The following SPATA1 variants were observed in gnomAD, a reference collection of about 807,000 sequenced individuals.
SPATA1 encodes spermatogenesis-associated protein 1.
A neutral mutation model predicts 59.6 loss-of-function variants in SPATA1; 57 were observed. That is an observed-to-expected ratio of 0.96 (90% CI 0.77 to 1.19). The LOEUF is 1.19. SPATA1 is among the 50% of genes most tolerant of loss of function. The pLI is 0.00. For missense variants in SPATA1, 448 were observed against 480.7 expected (o/e 0.93, Z 0.64); for synonymous variants, 147 against 163.9 (o/e 0.90, Z 0.79).
At chr1:84,508,288 A>ATTG (rs1682369710) in intron 1 of SPATA1, among the ~76,000 whole-genome samples, 1 of 152,098 alleles carries the variant, frequency 6.6e-6, no homozygotes, top group Non-Finnish European at 1.5e-5. Flanking sequence ...GTCTCAAAAA[A>ATTG]AAAAAAACAA....
At chr1:84,531,382 T>G (rs1246255) in intron 6 of SPATA1, among the ~76,000 whole-genome samples, 1 of 151,528 alleles carries the variant, frequency 6.6e-6, no homozygotes, top group Non-Finnish European at 1.5e-5. Flanking sequence ...AGGCTGATCT[T>G]GAACTTCTGA....
chr1:84,555,169 A>T, downstream of SPATA1: 1 of 1,613,832 alleles, frequency 6.2e-7, no homozygotes, highest in Non-Finnish European at 8.5e-7. Context: ...GGGTTATCAT[A>T]CCATACTTGA....
intron 2 of SPATA1, among the ~76,000 whole-genome samples, chr1:84,517,528 AT>A (rs1200518908): frequency 1.3e-5 from 2 of 152,012 alleles, no homozygotes; most frequent in East Asian, 1.9e-4. Context: ...CTGAAACTGG[AT>A]TTTTTTCCCT....
chr1:84,558,350 C>T (rs1353176160), downstream of SPATA1, among the ~76,000 whole-genome samples: 4 of 150,208 alleles, frequency 2.7e-5, no homozygotes, highest in African/African-American at 4.9e-5. Context: ...AGTGCAGTGG[C>T]GGGATCTCGG....
chr1:84,531,409 C>T (rs952411357), intron 6 of SPATA1, among the ~76,000 whole-genome samples: 3 of 151,902 alleles, frequency 2.0e-5, no homozygotes, highest in Non-Finnish European at 4.4e-5. Flanking sequence ...GTGATCCACC[C>T]GCCTCGGCCT....
intron 1 of SPATA1, among the ~76,000 whole-genome samples, chr1:84,507,790 C>T (rs76069520): frequency 0.028 from 4,307 of 151,306 alleles, 96 homozygotes; most frequent in Non-Finnish European, 0.047. Context: ...ATATATGGTC[C>T]AATAATTACT....
chr1:84,507,736 C>T (rs1413322099), intron 1 of SPATA1, among the ~76,000 whole-genome samples: 1 of 151,932 alleles, frequency 6.6e-6, no homozygotes, highest in Non-Finnish European at 1.5e-5. Flanking sequence ...TATCACTGAA[C>T]TCTTAGAACC....
chr1:84,515,104 T>C (rs1682740453), intron 1 of SPATA1, among the ~76,000 whole-genome samples: 1 of 152,212 alleles, frequency 6.6e-6, no homozygotes, highest in African/African-American at 2.4e-5. Flanking sequence ...TATAGATTAT[T>C]AACTAATTCT....
Position 84,565,772 on chromosome 1 carries a change from AC to A in SPATA1, n.443-88del, listed in dbSNP as rs1258807805. ...TACATATAACTTAGAAATACTAAAA[AC>A]ATCTTAATATTTTAATTTATAGAAT... On this transcript the variant is annotated intron_variant and non_coding_transcript_variant, in intron 4 of 4. Coordinates refer to the SPATA1 transcript ENST00000460286. 1.8e-5 allele frequency: 16 copies of A among 889,272 alleles called. No homozygotes were observed. In the African/African-American group the frequency reaches 2.9e-4, roughly 16 times the overall value. 55.1% of individuals were successfully genotyped at this position (889,272 alleles called of 1,614,324 possible).
At chr1:84,545,264 TA>T (rs1385564937) in intron 9 of SPATA1, among the ~76,000 whole-genome samples, 5 of 149,110 alleles carry the variant, frequency 3.4e-5, no homozygotes, top group Non-Finnish European at 5.9e-5. Flanking sequence ...CATATATATA[TA>T]ATCCTAAAAT....
exon 3 of SPATA1, chr1:84,520,671 C>G: frequency 6.4e-7 from 1 of 1,565,152 alleles, no homozygotes; most frequent in Non-Finnish European, 8.7e-7. Flanking sequence ...TTAACAAATT[C>G]ATTTCAGCTG....
rs1570448226 is a variant in SPATA1 at position 84,545,687 on chromosome 1, GA to G, written c.877del (p.Arg293GlufsTer6). On this transcript the variant is annotated frameshift_variant, in exon 10 of 13. Transcript: ENST00000490879. LOFTEE classifies it high-confidence loss of function. ...AGTAAAGGAAGAAAGAAGGTATCTG[GA>G]AAGAAATAGAGAAGAACTAGTAAAA... 2.0e-6 allele frequency: 3 copies of G among 1,535,946 alleles called. No individual in the cohort carries two copies. The highest frequency in any genetic ancestry group is 2.6e-6 in the Non-Finnish European group (3 of 1,149,028).
Position 84,529,711 on chromosome 1 carries a change from G to T in SPATA1, c.545-3149G>T, listed in dbSNP as rs535573149. 4.0e-5 allele frequency among the ~76,000 whole-genome samples: 6 copies of T among 150,584 alleles called. No individual in the cohort carries two copies. The South Asian group carries it at 1.3e-3, about 32-fold the overall frequency. On this transcript the variant is annotated intron_variant, in intron 6 of 12. Transcript: ENST00000490879. ...ATTCTCCTCAGCCTTCCGATAGCTG[G>T]AATTACAGGTGCCTGCCACCACACC...
At chr1:84,565,698 T>C (rs1684686037) in intron 4 of SPATA1, 163 bp from the exon 14 acceptor site, 1 of 363,586 alleles carries the variant, frequency 2.8e-6, no homozygotes, top group Admixed American at 5.0e-5. Flanking sequence ...AAGCTTTCAA[T>C]TAAGTGATTT....
At chr1:84,517,379 A>C (rs1032511956) in intron 2 of SPATA1, among the ~76,000 whole-genome samples, 1 of 152,046 alleles carries the variant, frequency 6.6e-6, no homozygotes, top group Non-Finnish European at 1.5e-5. Flanking sequence ...TTTAAATACC[A>C]ACTTTATGCC....
At chr1:84,509,127 GAATA>G (rs1682416983) in intron 1 of SPATA1, among the ~76,000 whole-genome samples, 1 of 149,180 alleles carries the variant, frequency 6.7e-6, no homozygotes, top group Non-Finnish European at 1.5e-5. Flanking sequence ...TGAGCCAAAA[GAATA>G]AAAATGGAGG....
intron 1 of SPATA1, among the ~76,000 whole-genome samples, chr1:84,509,523 GGAGGCC>G (rs1338872011): frequency 6.6e-6 from 1 of 152,226 alleles, no homozygotes; most frequent in Non-Finnish European, 1.5e-5. Context: ...CAGCACTTTG[GGAGGCC>G]GAGGCAGGTG....
intron 4 of SPATA1, among the ~76,000 whole-genome samples, chr1:84,524,950 G>T (rs1683157990): frequency 6.6e-6 from 1 of 151,932 alleles, no homozygotes; most frequent in Non-Finnish European, 1.5e-5. Flanking sequence ...CTGACAGATA[G>T]TATGCCCTCA....
At chr1:84,555,645 T>C (rs1317535829), downstream of SPATA1, among the ~76,000 whole-genome samples, 1 of 152,216 alleles carries the variant, frequency 6.6e-6, no homozygotes, top group Non-Finnish European at 1.5e-5. Flanking sequence ...TTTCATGTCC[T>C]AAGATTCTTT....
Sources: allele counts gnomAD v4.1 joint callset (sites outside exome capture counted in the v4.1 genomes callset), GRCh38; gene constraint gnomAD v4.1.1; transcripts MANE v1.5; gene names NCBI Gene and HGNC (gene_info 2026-07-23, HGNC 2026-07-21).